Variants in CARMIL1 observed in about 807,000 individuals in gnomAD.
CARMIL1 encodes the protein F-actin-uncapping protein LRRC16A.
Under a neutral mutation model 177.1 loss-of-function variants are expected in CARMIL1, and 90 were observed. The ratio of observed to expected loss-of-function variants is 0.51; its 90% CI spans 0.43 to 0.61. The LOEUF (loss-of-function observed/expected upper bound fraction) is 0.61. Ranked by LOEUF, CARMIL1 falls within the 20% of genes least tolerant of loss-of-function variation. The pLI, the probability that CARMIL1 is intolerant of heterozygous loss-of-function variation, is 0.00. For synonymous variants in CARMIL1, 577 were observed against 606.2 expected (o/e 0.95, Z 0.71); for missense variants, 1,380 against 1,667.0 (o/e 0.83, Z 3.00).
chr6:25,505,067 A>G (rs527850119), intron 17 of CARMIL1, among the ~76,000 whole-genome samples: 19 of 152,186 alleles, frequency 1.2e-4, no homozygotes, highest in South Asian at 4.1e-4. Context: ...AAACATTTTT[A>G]TTTAGAAGCT....
intron 29 of CARMIL1, among the ~76,000 whole-genome samples, chr6:25,571,272 C>G (rs1034938318): frequency 3.3e-5 from 5 of 152,144 alleles, no homozygotes; most frequent in East Asian, 3.9e-4. Context: ...CTGAGACATT[C>G]TGAGCACCAA....
At chr6:25,586,734 C>T (rs1421579439) in intron 31 of CARMIL1, among the ~76,000 whole-genome samples, 1 of 152,166 alleles carries the variant, frequency 6.6e-6, no homozygotes. Context: ...GGGCAGATCA[C>T]TCGCGGTCAG....
intron 24 of CARMIL1, among the ~76,000 whole-genome samples, chr6:25,534,735 G>T (rs1808122670): frequency 6.6e-6 from 1 of 152,132 alleles, no homozygotes; most frequent in South Asian, 2.1e-4. Flanking sequence ...TTTATGTCCT[G>T]TGTTACTGCT....
chr6:25,580,087 C>T (rs1445755545), intron 29 of CARMIL1, among the ~76,000 whole-genome samples: 1 of 152,192 alleles, frequency 6.6e-6, no homozygotes, highest in Non-Finnish European at 1.5e-5. Context: ...GGATGCTGGC[C>T]TGACCCTCCT....
chr6:25,583,070 C>T (rs1228304135), intron 31 of CARMIL1, among the ~76,000 whole-genome samples: 1 of 152,212 alleles, frequency 6.6e-6, no homozygotes, highest in Non-Finnish European at 1.5e-5. Context: ...ATAAAAGCGG[C>T]ATTCAACAAG....
chr6:25,595,033 G>C (rs1814689343), intron 32 of CARMIL1, among the ~76,000 whole-genome samples: 2 of 152,180 alleles, frequency 1.3e-5, no homozygotes, highest in East Asian at 1.9e-4. Flanking sequence ...GTGTCAAAAT[G>C]ACAGCAAAAT....
intron 5 of CARMIL1, among the ~76,000 whole-genome samples, chr6:25,444,997 A>G (rs897294182): frequency 2.0e-5 from 3 of 152,226 alleles, no homozygotes; most frequent in African/African-American, 7.2e-5. Flanking sequence ...CCAACAGTGT[A>G]AAAGTGTTCC....
intron 2 of CARMIL1, among the ~76,000 whole-genome samples, chr6:25,391,195 T>C (rs1465021124): frequency 6.6e-6 from 1 of 152,244 alleles, no homozygotes; most frequent in Non-Finnish European, 1.5e-5. Flanking sequence ...TATTCACAGA[T>C]ATTTCACTAA....
chr6:25,481,256 T>A (rs2150968707), intron 11 of CARMIL1, among the ~76,000 whole-genome samples: 1 of 152,314 alleles, frequency 6.6e-6, no homozygotes, highest in East Asian at 1.9e-4. Flanking sequence ...CTTCTTTGAC[T>A]GTGGAAACAC....
intron 1 of CARMIL1, 83 bp from the exon 2 acceptor site, chr6:25,284,729 A>G: frequency 1.3e-6 from 1 of 779,338 alleles, no homozygotes; most frequent in Non-Finnish European, 2.1e-6. Flanking sequence ...AACAGTAAAA[A>G]CAACCAAATA....
intron 35 of CARMIL1, 100 bp downstream of exon 35, chr6:25,606,373 G>A (rs960007791): frequency 9.5e-6 from 10 of 1,057,442 alleles, no homozygotes; most frequent in East Asian, 2.6e-5. Flanking sequence ...GCTGGTGAGC[G>A]AGGTACAGCG....
chr6:25,430,222 CT>C (rs34183473), intron 4 of CARMIL1, among the ~76,000 whole-genome samples: 24,416 of 138,662 alleles, frequency 0.18, 2,189 homozygotes, highest in East Asian at 0.23. Flanking sequence ...ATTGGTTTGT[CT>C]TTTTTTTTTT....
intron 29 of CARMIL1, among the ~76,000 whole-genome samples, chr6:25,561,269 G>A (rs765025181): frequency 2.6e-5 from 4 of 152,108 alleles, no homozygotes; most frequent in African/African-American, 4.8e-5. Context: ...ACCATATATA[G>A]TATACCATCT....
chr6:25,508,512 C>T (rs1805140165), intron 17 of CARMIL1, among the ~76,000 whole-genome samples: 1 of 152,128 alleles, frequency 6.6e-6, no homozygotes, highest in Non-Finnish European at 1.5e-5. Context: ...GCCTGAGCAA[C>T]ACAGTGAGAC....
chr6:25,332,651 A>G (rs1388504840), intron 2 of CARMIL1, among the ~76,000 whole-genome samples: 2 of 152,084 alleles, frequency 1.3e-5, no homozygotes, highest in African/African-American at 4.8e-5. Flanking sequence ...TACTTGTTAC[A>G]TATCCAAATG....
intron 17 of CARMIL1, among the ~76,000 whole-genome samples, chr6:25,506,989 G>A (rs983580679): frequency 1.3e-5 from 2 of 152,124 alleles, no homozygotes; most frequent in African/African-American, 4.8e-5. Context: ...CCTTGAATGA[G>A]AGGATACTAC....
In CARMIL1 at chr6:25,491,821, A is replaced by C. The variant is rs372454937; in HGVS notation, c.1143+12A>C. On this transcript the variant is annotated intron_variant, in intron 14 of 36. Coordinates refer to ENST00000329474, the MANE Select transcript of CARMIL1 (RefSeq NM_017640.6). ...GTTCCCTGGACATGGTAAATTTAAA[A>C]TATATATATATCTTGCTCTGAGGGG... 10 of 1,547,804 alleles carry C rather than the reference A, an allele frequency of 6.5e-6. No homozygotes were observed. Among genetic ancestry groups the C allele is most frequent in the South Asian group, 1.2e-5 (1 of 84,678 alleles).
chr6:25,439,057 A>T (rs1352453107), intron 5 of CARMIL1, among the ~76,000 whole-genome samples: 1 of 151,976 alleles, frequency 6.6e-6, no homozygotes, highest in Non-Finnish European at 1.5e-5. Context: ...AAGTGTGGGT[A>T]AGGGCAGTGA....
intron 2 of CARMIL1, among the ~76,000 whole-genome samples, chr6:25,377,028 G>A (rs944384405): frequency 6.6e-6 from 1 of 152,140 alleles, no homozygotes; most frequent in East Asian, 1.9e-4. Flanking sequence ...CAGGAATGTT[G>A]ATGTTCAACA....
Sources: allele counts gnomAD v4.1 joint callset (sites outside exome capture counted in the v4.1 genomes callset), GRCh38; gene constraint gnomAD v4.1.1; transcripts MANE v1.5; gene names NCBI Gene and HGNC (gene_info 2026-07-23, HGNC 2026-07-21).